The following ITGA1 variants were observed in gnomAD, a reference collection of about 807,000 sequenced individuals.
The protein encoded by ITGA1 is integrin alpha-1.
A neutral mutation model predicts 145.9 loss-of-function variants in ITGA1; 85 were observed. That is an observed-to-expected ratio of 0.58 (90% CI 0.49 to 0.70). The LOEUF (loss-of-function observed/expected upper bound fraction) is 0.70, where lower values mean the gene tolerates loss of function less well. Among genes scored for constraint, ITGA1 ranks in the 30% least tolerant of loss-of-function variants. The pLI, the probability that ITGA1 is intolerant of heterozygous loss-of-function variation, is 0.00. For missense variants in ITGA1, 1,351 were observed against 1,418.7 expected, an observed-to-expected ratio of 0.95 and a Z score of 0.77; for synonymous variants, 520 against 495.3, an observed-to-expected ratio of 1.05 and a Z score of -0.66.
Position 52,927,596 on chromosome 5 carries a change from G to A in ITGA1, c.2626G>A (p.Asp876Asn). Reference sequence around the variant, plus strand: ...TTTCTCTTCCTAGGCTATCCAAAAAGACAGTTGTGAATCTAATCATAATAT... The same window carrying A: ...TTTCTCTTCCTAGGCTATCCAAAAAAACAGTTGTGAATCTAATCATAATAT... The part of the protein sequence containing the change: ...VFSGIEAIQK[D>N]SCESNHNITC... The change falls in exon 20 of 29, where the codon GAC becomes AAC. Residue 876 changes from aspartate to asparagine, a missense_variant. By Grantham distance (23) the Asp-to-Asn change is conservative (BLOSUM62 1). Transcript: ENST00000282588. 6.2e-7 allele frequency: 1 copy of A among 1,609,472 alleles called. No homozygotes were observed. Among genetic ancestry groups the A allele is most frequent in the Non-Finnish European group, 8.5e-7 (1 of 1,176,974 alleles).
chr5:52,798,547 A>AT (rs2111656315), intron 1 of ITGA1, among the ~76,000 whole-genome samples: 1 of 152,284 alleles, frequency 6.6e-6, no homozygotes, highest in African/African-American at 2.4e-5. Flanking sequence ...TGGGAAGATG[A>AT]TTTTGAGGGC....
intron 12 of ITGA1, among the ~76,000 whole-genome samples, chr5:52,907,498 A>G (rs1215410464): frequency 6.6e-6 from 1 of 152,226 alleles, no homozygotes; most frequent in African/African-American, 2.4e-5. Context: ...GGAGAGTATC[A>G]TGAATGATTT....
chr5:52,801,668 A>G lies in ITGA1; in HGVS notation c.61+13254A>G, dbSNP rs199607873. 3.5e-5 allele frequency: 56 copies of G among 1,614,034 alleles called. No individual in the cohort carries two copies. The highest frequency in any genetic ancestry group is 4.6e-5 in the Non-Finnish European group (54 of 1,180,000). ...CAGGATGTAGCCACACGGAGCCGGT[A>G]TGTGAGGCTGGTGGACAGTGTGAAA... On this transcript the variant is annotated intron_variant, in intron 1 of 28. Coordinates refer to ENST00000282588, the MANE Select transcript of ITGA1 (RefSeq NM_181501.2).
chr5:52,912,576 A>G (rs1750577947), intron 14 of ITGA1, among the ~76,000 whole-genome samples: 1 of 136,324 alleles, frequency 7.3e-6, no homozygotes, highest in Admixed American at 7.4e-5. Flanking sequence ...TATTATATAT[A>G]GTGTATCCAC....
chr5:52,915,465 G>A lies in ITGA1; in HGVS notation c.1859G>A (p.Arg620His), dbSNP rs200170543. 3.4e-5 allele frequency: 55 copies of A among 1,613,690 alleles called. No individual in the cohort carries two copies. The Admixed American group carries it at 7.2e-4, about 21-fold the overall frequency. The change falls in exon 15 of 29, where the codon CGT becomes CAT. Residue 620 changes from arginine to histidine, a missense_variant and splice_region_variant. Physicochemically the swap from Arg to His is conservative, Grantham distance 29. Coordinates refer to ENST00000282588, the MANE Select transcript of ITGA1 (RefSeq NM_181501.2). The stretch of plus-strand genomic sequence containing the variant: ...ACTCTTTTTTTTGGATTCTCACAGC[G>A]TATTCCATCAGGTGGGGATGGTAAG... ...GKTIRKEYAQ[R>H]IPSGGDGKTL...
chr5:52,807,226 T>C (rs990813608), intron 1 of ITGA1, among the ~76,000 whole-genome samples: 2 of 152,188 alleles, frequency 1.3e-5, no homozygotes, highest in African/African-American at 4.8e-5. Flanking sequence ...GCAAAATGTT[T>C]TGGCAGTCAT....
rs373725996 is a variant in ITGA1 at position 52,895,112 on chromosome 5, A to T, written c.1090+1272A>T. On this transcript the variant is annotated intron_variant, in intron 9 of 28. Coordinates refer to ENST00000282588, the MANE Select transcript of ITGA1 (RefSeq NM_181501.2). ...TACCCTAATCTCTTTCAATGAAAAAAAAATGCTGGCTATACTCAGTCTGTT... is the reference window on the plus strand; with the variant it reads ...TACCCTAATCTCTTTCAATGAAAAATAAATGCTGGCTATACTCAGTCTGTT... Among the ~76,000 whole-genome samples, 220 of 152,238 alleles carry T rather than the reference A, an allele frequency of 1.4e-3. 2 individuals carry two copies. The South Asian group carries it at 0.035, about 25-fold the overall frequency.
chr5:52,818,069 T>A (rs758134069), intron 1 of ITGA1, among the ~76,000 whole-genome samples: 2 of 152,236 alleles, frequency 1.3e-5, no homozygotes, highest in Non-Finnish European at 2.9e-5. Flanking sequence ...ACACAGTTTG[T>A]TGAACCCTGG....
intron 1 of ITGA1, among the ~76,000 whole-genome samples, chr5:52,844,439 A>C (rs7716035): frequency 0.019 from 2,841 of 152,250 alleles, 87 homozygotes; most frequent in African/African-American, 0.064. Flanking sequence ...TAGTTTTAGG[A>C]CTAAGATGTA....
At chr5:52,858,185 G>T (rs957075015) in intron 2 of ITGA1, among the ~76,000 whole-genome samples, 2 of 152,216 alleles carry the variant, frequency 1.3e-5, no homozygotes, top group South Asian at 4.1e-4. Context: ...AATCAAAAAG[G>T]TGATCATGTT....
intron 1 of ITGA1, chr5:52,804,105 TAGG>T (rs903947043): frequency 5.9e-5 from 9 of 152,178 alleles, no homozygotes; most frequent in South Asian, 2.1e-4. Context: ...TCAATAATGA[TAGG>T]AGCAAATTAA....
At position 52,939,961 on chromosome 5, in the gene ITGA1, T is replaced by C; in HGVS notation, c.3285+17T>C. The C allele has an allele frequency of 1.6e-6, 2 of 1,259,360 alleles. No homozygotes were observed. Among genetic ancestry groups the C allele is most frequent in the Non-Finnish European group, 2.3e-6 (2 of 856,696 alleles). The allele number at this position is 1,259,360 out of a possible 1,614,324, so 78.0% of individuals were successfully genotyped here. On this transcript the variant is annotated intron_variant, in intron 26 of 28. Coordinates refer to ENST00000282588, the MANE Select transcript of ITGA1 (RefSeq NM_181501.2). ...TTTATAAAAGTAAGTAAATACATAG[T>C]TCTATGCACTTATTGAATAATATCA...
At chr5:52,857,195 G>A (rs1287931933) in intron 2 of ITGA1, among the ~76,000 whole-genome samples, 1 of 152,132 alleles carries the variant, frequency 6.6e-6, no homozygotes, top group Non-Finnish European at 1.5e-5. Context: ...TGTTGCAAAA[G>A]TGTACACAAT....
intron 26 of ITGA1, among the ~76,000 whole-genome samples, chr5:52,942,041 C>T (rs1208271368): frequency 6.6e-6 from 1 of 152,070 alleles, no homozygotes; most frequent in Non-Finnish European, 1.5e-5. Flanking sequence ...GATTCCTTTC[C>T]CCATTGCTTG....
At chr5:52,828,156 G>T (rs1748999657) in intron 1 of ITGA1, among the ~76,000 whole-genome samples, 2 of 152,174 alleles carry the variant, frequency 1.3e-5, no homozygotes, top group African/African-American at 4.8e-5. Flanking sequence ...ATTCTTTGGG[G>T]GTGATATACC....
rs1194222121 is a variant in ITGA1 at position 52,851,271 on chromosome 5, C to G, written c.182+1786C>G. On this transcript the variant is annotated intron_variant, in intron 2 of 28. Transcript: ENST00000282588. ...TTTAGAAAAATCTGATGTCAGAAGTCCTTAATTATATGAATGAACCTTAGT... is the reference window on the plus strand; with the variant it reads ...TTTAGAAAAATCTGATGTCAGAAGTGCTTAATTATATGAATGAACCTTAGT... Among the ~76,000 whole-genome samples the G allele has an allele frequency of 2.6e-5, 4 of 152,092 alleles. No homozygotes were observed. In the East Asian group the frequency reaches 7.7e-4, roughly 29 times the overall value.
At chr5:52,859,503 T>C (rs927078357) in intron 2 of ITGA1, among the ~76,000 whole-genome samples, 4 of 152,178 alleles carry the variant, frequency 2.6e-5, no homozygotes, top group African/African-American at 4.8e-5. Context: ...TAAAACCATG[T>C]TTTAGAGTCT....
intron 19 of ITGA1, 104 bp from the exon 20 acceptor site, chr5:52,927,480 G>T: frequency 2.9e-6 from 2 of 695,470 alleles, no homozygotes; most frequent in Admixed American, 4.9e-5. Context: ...GACAAAAATA[G>T]TGGCAAGGCA....
chr5:52,837,257 G>T (rs1749174581), intron 1 of ITGA1, among the ~76,000 whole-genome samples: 1 of 152,146 alleles, frequency 6.6e-6, no homozygotes, highest in Non-Finnish European at 1.5e-5. Context: ...ACAAAGCAAA[G>T]CATTTTCTTA....
Sources: gnomAD v4.1 joint callset for allele counts (sites outside exome capture counted in the v4.1 genomes callset) on GRCh38, gnomAD v4.1.1 for gene constraint, MANE v1.5 for transcripts, NCBI Gene and HGNC (gene_info 2026-07-23, HGNC 2026-07-21) for gene names.